RAPGEF4: variants seen among roughly 807,000 people sequenced by gnomAD.
RAPGEF4 encodes Rap guanine nucleotide exchange factor 4, also known as RAP guanine-nucleotide-exchange factor (GEF) 4.
RAPGEF4 carries 66 observed loss-of-function variants against 147.9 expected under a neutral mutation model. The ratio of observed to expected loss-of-function variants is 0.45; its 90% CI spans 0.37 to 0.55. The LOEUF (loss-of-function observed/expected upper bound fraction) is 0.55, where lower values mean the gene tolerates loss of function less well. Ranked by LOEUF, RAPGEF4 falls within the 20% of genes least tolerant of loss-of-function variation. The pLI is 0.00. For synonymous variants in RAPGEF4, 419 were observed against 442.7 expected (o/e 0.95, Z 0.67); for missense variants, 1,071 against 1,257.3 (o/e 0.85, Z 2.24).
intron 6 of RAPGEF4, among the ~76,000 whole-genome samples, chr2:172,949,948 A>C (rs1198818383): frequency 6.6e-6 from 1 of 152,250 alleles, no homozygotes; most frequent in East Asian, 1.9e-4. Context: ...CAAAGTTTTG[A>C]GAAATGGAAA....
intron 3 of RAPGEF4, among the ~76,000 whole-genome samples, chr2:172,807,562 T>C (rs1256789495): frequency 6.6e-6 from 1 of 152,258 alleles, no homozygotes; most frequent in Non-Finnish European, 1.5e-5. Context: ...ATTTTATTAC[T>C]TAAGATGACT....
At chr2:172,831,266 C>CTGTTTTTTTTTT in intron 4 of RAPGEF4, among the ~76,000 whole-genome samples, 1 of 53,890 alleles carries the variant, frequency 1.9e-5, no homozygotes, top group African/African-American at 6.2e-5. Flanking sequence ...AGATAGAAAA[C>CTGTTTTTTTTTT]TTTTTTTTTT....
At chr2:173,004,210 C>T (rs1488195522) in intron 17 of RAPGEF4, among the ~76,000 whole-genome samples, 1 of 152,130 alleles carries the variant, frequency 6.6e-6, no homozygotes, top group African/African-American at 2.4e-5. Flanking sequence ...CTCTGCTGAA[C>T]ATTAATATAT....
intron 10 of RAPGEF4, among the ~76,000 whole-genome samples, chr2:172,972,647 A>T (rs1690617593): frequency 6.6e-6 from 1 of 152,182 alleles, no homozygotes; most frequent in Admixed American, 6.5e-5. Flanking sequence ...CCATGAAAGC[A>T]ATTTATTCTT....
At chr2:172,801,789 A>G (rs559013885) in intron 3 of RAPGEF4, among the ~76,000 whole-genome samples, 2 of 152,176 alleles carry the variant, frequency 1.3e-5, no homozygotes, top group South Asian at 4.2e-4. Context: ...GCCATTAAGG[A>G]ATAAGGAATG....
At chr2:173,017,106 T>C (rs948772214) in intron 19 of RAPGEF4, 68 bp from the exon 20 acceptor site, 4 of 1,423,222 alleles carry the variant, frequency 2.8e-6, no homozygotes, top group Non-Finnish European at 4.0e-6. Context: ...TAAGATTAGT[T>C]ATATACAAAT....
chr2:172,995,060 A>T lies in RAPGEF4; in HGVS notation c.1491-1406A>T, dbSNP rs532150240. 2.0e-5 allele frequency among the ~76,000 whole-genome samples: 3 copies of T among 152,290 alleles called. No homozygotes were observed. The South Asian group carries it at 6.2e-4, about 32-fold the overall frequency. On this transcript the variant is annotated intron_variant, in intron 15 of 30. Coordinates refer to ENST00000397081, the MANE Select transcript of RAPGEF4 (RefSeq NM_007023.4). The stretch of plus-strand genomic sequence containing the variant: ...CATTTTCACATGCACATATGTTAAA[A>T]TGTCTGCACATCACTCCCTCAGGCC...
chr2:172,792,432 A>G (rs989801392), intron 1 of RAPGEF4, among the ~76,000 whole-genome samples: 3 of 152,184 alleles, frequency 2.0e-5, no homozygotes, highest in African/African-American at 7.2e-5. Flanking sequence ...AAGCCTGCAC[A>G]TCTCTCAGTG....
At chr2:173,012,371 C>T (rs1343440801) in intron 17 of RAPGEF4, among the ~76,000 whole-genome samples, 2 of 152,258 alleles carry the variant, frequency 1.3e-5, no homozygotes, top group African/African-American at 4.8e-5. Flanking sequence ...GGTTGGCATT[C>T]CTCAGCCCAC....
rs376497880 is a variant in RAPGEF4 at position 172,965,638 on chromosome 2, G to T, written c.775G>T (p.Val259Phe). 2 of 1,614,050 alleles carry T rather than the reference G, an allele frequency of 1.2e-6. No individual in the cohort carries two copies. Among genetic ancestry groups the T allele is most frequent in the Admixed American group, 1.7e-5 (1 of 60,014 alleles). The change falls in exon 9 of 31, where the codon GTT (valine) becomes TTT (phenylalanine). Residue 259 changes from valine (V) to phenylalanine (F), a missense_variant. Coordinates refer to ENST00000397081, the MANE Select transcript of RAPGEF4 (RefSeq NM_007023.4). ...ATGTGTTCACTCCCGGACTCAAGCTGTTGGCATGTGGCAAGTCCTGTTAGA... is the reference window on the plus strand; with the variant it reads ...ATGTGTTCACTCCCGGACTCAAGCTTTTGGCATGTGGCAAGTCCTGTTAGA... Reference protein sequence around the residue: ...TPCVHSRTQAVGMWQVLLEDG... With the variant: ...TPCVHSRTQAFGMWQVLLEDG...
chr2:172,970,395 T>G (rs928159185), intron 10 of RAPGEF4, among the ~76,000 whole-genome samples: 2 of 152,174 alleles, frequency 1.3e-5, no homozygotes, highest in African/African-American at 4.8e-5. Context: ...TTAAGAAATG[T>G]GGAGGCATGA....
intron 26 of RAPGEF4, among the ~76,000 whole-genome samples, chr2:173,030,559 T>A (rs1559198604): frequency 6.6e-6 from 1 of 152,248 alleles, no homozygotes; most frequent in Non-Finnish European, 1.5e-5. Context: ...TTGCTGGGAA[T>A]GACTTCATAA....
chr2:172,789,277 A>G (rs533584932), intron 1 of RAPGEF4, among the ~76,000 whole-genome samples: 6 of 152,362 alleles, frequency 3.9e-5, no homozygotes, highest in African/African-American at 7.2e-5. Flanking sequence ...GCCATACAGC[A>G]TAACATAATC....
At chr2:173,044,702 C>A (rs1575595284) in intron 29 of RAPGEF4, among the ~76,000 whole-genome samples, 1 of 152,246 alleles carries the variant, frequency 6.6e-6, no homozygotes, top group East Asian at 1.9e-4. Context: ...TTAAGCGTGG[C>A]GACAGGGGGG....
At chr2:172,889,830 T>C in intron 4 of RAPGEF4, 1 of 981,072 alleles carries the variant, frequency 1.0e-6, no homozygotes, top group Non-Finnish European at 1.2e-6. Flanking sequence ...CTGGACCATA[T>C]GTGGCTTCTC....
chr2:172,795,507 T>G (rs1167001624), intron 2 of RAPGEF4, among the ~76,000 whole-genome samples: 2 of 152,256 alleles, frequency 1.3e-5, no homozygotes, highest in African/African-American at 4.8e-5. Flanking sequence ...GATATTAAGA[T>G]AAAAGTTCTC....
intron 6 of RAPGEF4, chr2:172,928,353 T>A (rs746362490): frequency 3.1e-6 from 1 of 320,474 alleles, no homozygotes; most frequent in Non-Finnish European, 6.1e-6. Context: ...AGTGGTAAGC[T>A]AATTGCATTT....
intron 23 of RAPGEF4, among the ~76,000 whole-genome samples, chr2:173,024,940 G>C (rs1298022443): frequency 6.6e-6 from 1 of 152,048 alleles, no homozygotes; most frequent in African/African-American, 2.4e-5. Flanking sequence ...CCACCCCAAG[G>C]GACCATCCTG....
At chr2:172,928,853 C>T (rs926234074) in intron 6 of RAPGEF4, among the ~76,000 whole-genome samples, 2 of 152,158 alleles carry the variant, frequency 1.3e-5, no homozygotes, top group African/African-American at 4.8e-5. Context: ...TTCTCTTTGG[C>T]CAACAGCTTC....
Sources: gnomAD v4.1 joint callset for allele counts (sites outside exome capture counted in the v4.1 genomes callset) on GRCh38, gnomAD v4.1.1 for gene constraint, MANE v1.5 for transcripts, NCBI Gene and HGNC (gene_info 2026-07-23, HGNC 2026-07-21) for gene names.